CEP192: variants seen among roughly 807,000 people sequenced by gnomAD.
The protein encoded by CEP192 is centrosomal protein 192, also known as centrosomal protein of 192 kDa.
Under a neutral mutation model 271.8 loss-of-function variants are expected in CEP192, and 151 were observed. That is an observed-to-expected ratio of 0.56 (90% CI 0.49 to 0.64). The LOEUF is 0.64. Among genes scored for constraint, CEP192 ranks in the 30% least tolerant of loss-of-function variants. The pLI is 0.00. For synonymous variants in CEP192, 995 were observed against 1,076.5 expected (o/e 0.92, Z 1.48); for missense variants, 2,910 against 3,020.5 (o/e 0.96, Z 0.86).
At chr18:13,047,831 C>T (rs1490077565) in intron 15 of CEP192, among the ~76,000 whole-genome samples, 2 of 152,118 alleles carry the variant, frequency 1.3e-5, no homozygotes, top group Admixed American at 6.5e-5. Context: ...AAGAATTATA[C>T]TTGCAATCAC....
At chr18:13,083,575 C>T (rs1286861672) in intron 30 of CEP192, among the ~76,000 whole-genome samples, 6 of 152,132 alleles carry the variant, frequency 3.9e-5, no homozygotes, top group East Asian at 1.9e-4. Context: ...TCCTTTAGCT[C>T]GGAGAAGTTT....
At chr18:13,069,464 G>GATCC (rs1230183604) in intron 26 of CEP192, among the ~76,000 whole-genome samples, 2 of 152,206 alleles carry the variant, frequency 1.3e-5, no homozygotes, top group African/African-American at 4.8e-5. Context: ...GGTGAAGAAT[G>GATCC]ATCCGCACAC....
chr18:13,121,691 A>G (rs1342869616), intron 44 of CEP192, among the ~76,000 whole-genome samples: 1 of 152,196 alleles, frequency 6.6e-6, no homozygotes, highest in Non-Finnish European at 1.5e-5. Flanking sequence ...CTCTTAACCT[A>G]TTATTTTATG....
At chr18:13,065,704 A>G (rs2037660103) in intron 21 of CEP192, among the ~76,000 whole-genome samples, 1 of 152,230 alleles carries the variant, frequency 6.6e-6, no homozygotes, top group Non-Finnish European at 1.5e-5. Flanking sequence ...CTCTTTGGAC[A>G]GAGTTCTAAA....
intron 33 of CEP192, among the ~76,000 whole-genome samples, chr18:13,090,843 T>C (rs1039132043): frequency 7.9e-5 from 12 of 152,108 alleles, no homozygotes; most frequent in African/African-American, 2.9e-4. Flanking sequence ...TAACACTTAG[T>C]AACATGGTGC....
intron 17 of CEP192, 142 bp downstream of exon 17, chr18:13,050,033 A>T: frequency 1.5e-6 from 1 of 649,918 alleles, no homozygotes; most frequent in South Asian, 2.7e-5. Flanking sequence ...CTTTCCAGCT[A>T]TTTTTCTGTG....
At chr18:13,088,511 G>A (rs2038997660) in intron 32 of CEP192, among the ~76,000 whole-genome samples, 1 of 152,110 alleles carries the variant, frequency 6.6e-6, no homozygotes, top group Admixed American at 6.6e-5. Context: ...GGAAAATTTA[G>A]GATGTTGATT....
chr18:13,053,512 G>A (rs60389039), intron 18 of CEP192, among the ~76,000 whole-genome samples: 1 of 152,220 alleles, frequency 6.6e-6, no homozygotes, highest in African/African-American at 2.4e-5. Flanking sequence ...AGAGTTGTAA[G>A]ATACAAACTG....
rs1378847885 is a variant in CEP192, at chr18:13,063,159, A to T, written c.4488+3847A>T. Among the ~76,000 whole-genome samples, 3 of 152,216 alleles carry T rather than the reference A, an allele frequency of 2.0e-5. No individual in the cohort carries two copies. In the East Asian group the frequency reaches 5.8e-4, roughly 29 times the overall value. ...AACACTTAGGTTGCTTCCAAATCTT[A>T]GCTGTTGTAAACAGTGCTGCAATAA... On this transcript the variant is annotated intron_variant, in intron 21 of 44. Coordinates refer to ENST00000506447, the MANE Select transcript of CEP192 (RefSeq NM_032142.4).
chr18:13,031,480 C>T (rs1441008188), intron 11 of CEP192, among the ~76,000 whole-genome samples: 1 of 152,146 alleles, frequency 6.6e-6, no homozygotes, highest in East Asian at 1.9e-4. Context: ...ATCTCCTGAC[C>T]TCGTGATCTG....
chr18:13,084,641 A>G (rs568615297), intron 30 of CEP192, among the ~76,000 whole-genome samples: 2 of 151,960 alleles, frequency 1.3e-5, no homozygotes, highest in Non-Finnish European at 2.9e-5. Flanking sequence ...CCACTGTCCA[A>G]CCAGTCCCAG....
At chr18:13,015,555 C>G (rs1221912320) in intron 6 of CEP192, 107 bp downstream of exon 6, 3 of 1,010,454 alleles carry the variant, frequency 3.0e-6, no homozygotes, top group African/African-American at 3.3e-5. Flanking sequence ...TTTGTCCTTA[C>G]CTTTTCTTCC....
intron 3 of CEP192, among the ~76,000 whole-genome samples, chr18:13,005,110 A>G (rs2033899102): frequency 6.6e-6 from 1 of 152,156 alleles, no homozygotes; most frequent in African/African-American, 2.4e-5. Context: ...GAGGGCAAGA[A>G]GGGCGTATAT....
chr18:13,012,764 T>G (rs2034436682), intron 4 of CEP192, among the ~76,000 whole-genome samples: 1 of 152,246 alleles, frequency 6.6e-6, no homozygotes, highest in Admixed American at 6.5e-5. Context: ...AGATACATAT[T>G]CAAGTTCTTT....
intron 14 of CEP192, 87 bp from the exon 15 acceptor site, chr18:13,042,117 T>G: frequency 1.9e-6 from 2 of 1,062,942 alleles, no homozygotes; most frequent in Non-Finnish European, 2.7e-6. Flanking sequence ...CCTTGGTAAA[T>G]TAGTCATTTT....
At chr18:13,015,302 C>T (rs1366672540) in intron 5 of CEP192, 26 bp from the exon 6 acceptor site, 4 of 1,546,848 alleles carry the variant, frequency 2.6e-6, no homozygotes, top group Admixed American at 2.0e-5. Context: ...ATGTGCTTCT[C>T]TTACTTGCCA....
intron 36 of CEP192, 106 bp from the exon 37 acceptor site, chr18:13,099,370 G>A: frequency 3.2e-6 from 2 of 620,058 alleles, no homozygotes; most frequent in Non-Finnish European, 5.6e-6. Context: ...CTCTTCCTGA[G>A]CAGTGAGGAA....
Position 13,017,184 on chromosome 18 carries a change from A to C in CEP192, c.641-4A>C. Reference sequence around the variant, plus strand: ...GTCCTGTTTTTTCTCGATTTTATCAATAGATGATGATATTGATGATGAAAT... The same window carrying C: ...GTCCTGTTTTTTCTCGATTTTATCACTAGATGATGATATTGATGATGAAAT... On this transcript the variant is annotated splice_region_variant and splice_polypyrimidine_tract_variant and intron_variant, in intron 6 of 44. Transcript: ENST00000506447. 6.5e-7 allele frequency: 1 copy of C among 1,536,734 alleles called. No individual in the cohort carries two copies. Among genetic ancestry groups the C allele is most frequent in the African/African-American group, 1.4e-5 (1 of 72,222 alleles).
At chr18:13,121,865 A>T (rs2040676597) in intron 44 of CEP192, among the ~76,000 whole-genome samples, 1 of 152,224 alleles carries the variant, frequency 6.6e-6, no homozygotes, top group African/African-American at 2.4e-5. Context: ...TAGAGTTATC[A>T]TTGAGCTGCA....
Sources: gnomAD v4.1 joint callset for allele counts (sites outside exome capture counted in the v4.1 genomes callset) on GRCh38, gnomAD v4.1.1 for gene constraint, MANE v1.5 for transcripts, NCBI Gene and HGNC (gene_info 2026-07-23, HGNC 2026-07-21) for gene names.